The following CLNK variants were observed in gnomAD, a reference collection of about 807,000 sequenced individuals.
The protein encoded by CLNK is cytokine-dependent hematopoietic cell linker.
A neutral mutation model predicts 68.6 loss-of-function variants in CLNK; 74 were observed. That is an observed-to-expected ratio of 1.08 (90% CI 0.89 to 1.31). CLNK has a LOEUF of 1.31. Among genes scored for constraint, CLNK ranks in the 50% most tolerant of loss-of-function variants. The pLI is 0.00. For missense variants in CLNK, 553 were observed against 515.3 expected (o/e 1.07, Z -0.71); for synonymous variants, 198 against 172.2 (o/e 1.15, Z -1.17).
In CLNK at chr4:10,501,252, C is replaced by G. The variant is rs1717032162; in HGVS notation, c.1140+4G>C. On this transcript the variant is annotated splice_donor_region_variant and intron_variant, in intron 18 of 18. Transcript: ENST00000226951. Reference sequence around the variant, plus strand: ...GAACAGGGAGGCTGTTAAGTTATACCCACCTCATCTCCTCTGAGTCCTGTC... The same window carrying G: ...GAACAGGGAGGCTGTTAAGTTATACGCACCTCATCTCCTCTGAGTCCTGTC... The G allele has an allele frequency of 6.4e-7, 1 of 1,562,436 alleles. No homozygotes were observed. The highest frequency in any genetic ancestry group is 1.2e-5 in the South Asian group (1 of 81,318).
At chr4:10,702,513 A>C in the CLNK span, among the ~76,000 whole-genome samples, 3 of 152,000 alleles carry the variant, frequency 2.0e-5, no homozygotes, top group Admixed American at 6.6e-5. Flanking sequence ...TGGATAGAGA[A>C]AGAAGTGCTG....
intron 15 of CLNK, among the ~76,000 whole-genome samples, chr4:10,515,198 A>G (rs982979195): frequency 6.6e-6 from 1 of 152,202 alleles, no homozygotes; most frequent in Non-Finnish European, 1.5e-5. Context: ...AGATCATGCC[A>G]TTGCACTCCA....
intron 4 of CLNK, among the ~76,000 whole-genome samples, chr4:10,579,410 T>G (rs1290446154): frequency 1.4e-5 from 2 of 145,152 alleles, no homozygotes; most frequent in African/African-American, 5.2e-5. Context: ...GAGAGAGAGA[T>G]AGAGATAGAA....
the CLNK span, among the ~76,000 whole-genome samples, chr4:10,695,562 G>C: frequency 3.9e-5 from 6 of 152,110 alleles, no homozygotes; most frequent in African/African-American, 1.4e-4. Context: ...CTTTAACCCT[G>C]TCCTGGCCCG....
chr4:10,536,873 G>A (rs758682692), intron 11 of CLNK, among the ~76,000 whole-genome samples: 5 of 151,964 alleles, frequency 3.3e-5, no homozygotes, highest in Non-Finnish European at 7.4e-5. Flanking sequence ...TAACCCAATA[G>A]ACCTGTGTGG....
At chr4:10,562,700 G>A (rs548402586) in intron 7 of CLNK, among the ~76,000 whole-genome samples, 2 of 152,216 alleles carry the variant, frequency 1.3e-5, no homozygotes, top group East Asian at 3.9e-4. Flanking sequence ...CCCCACGTCC[G>A]GTCACAAGAA....
the CLNK span, among the ~76,000 whole-genome samples, chr4:10,709,015 C>T: frequency 6.6e-6 from 1 of 152,180 alleles, no homozygotes; most frequent in Non-Finnish European, 1.5e-5. Context: ...ACCTACCAAA[C>T]AGCATTAAAA....
chr4:10,557,589 C>T (rs1266889818), intron 8 of CLNK, among the ~76,000 whole-genome samples: 5 of 152,200 alleles, frequency 3.3e-5, no homozygotes, highest in Admixed American at 3.3e-4. Flanking sequence ...GGTTCTTGTG[C>T]CATTCTTTGT....
chr4:10,689,137 CT>C (rs1182260603), upstream of CLNK, among the ~76,000 whole-genome samples: 350 of 146,502 alleles, frequency 2.4e-3, 4 homozygotes, highest in Admixed American at 2.7e-3. Context: ...TTCTTTCTTT[CT>C]TTTTTTTTTT....
intron 2 of CLNK, among the ~76,000 whole-genome samples, chr4:10,635,230 T>A (rs1050146046): frequency 6.6e-6 from 1 of 152,230 alleles, no homozygotes; most frequent in African/African-American, 2.4e-5. Context: ...ATTAGACATA[T>A]GTTGCTCATT....
intron 8 of CLNK, among the ~76,000 whole-genome samples, chr4:10,545,960 C>T (rs2108811530): frequency 6.6e-6 from 1 of 152,312 alleles, no homozygotes; most frequent in East Asian, 1.9e-4. Flanking sequence ...CCCAGGGTAG[C>T]TGTGGGCAGT....
intron 2 of CLNK, among the ~76,000 whole-genome samples, chr4:10,655,871 G>T (rs1007650308): frequency 6.6e-6 from 1 of 151,806 alleles, no homozygotes; most frequent in African/African-American, 2.4e-5. Context: ...GGATGATCTC[G>T]ATCTCCTGAC....
upstream of CLNK, among the ~76,000 whole-genome samples, chr4:10,688,492 G>A (rs1167930070): frequency 6.6e-6 from 1 of 152,234 alleles, no homozygotes; most frequent in East Asian, 1.9e-4. Flanking sequence ...GTTCTTGCAT[G>A]GCCTGCTGGG....
the CLNK span, among the ~76,000 whole-genome samples, chr4:10,710,048 T>C: frequency 6.6e-6 from 1 of 152,232 alleles, no homozygotes; most frequent in South Asian, 2.1e-4. Context: ...GGCAGCATTA[T>C]TGATAACTGA....
At chr4:10,667,983 T>C in intron 1 of CLNK, 72 bp from the exon 2 acceptor site, 1 of 778,932 alleles carries the variant, frequency 1.3e-6, no homozygotes, top group African/African-American at 1.7e-5. Context: ...CAAGCCACTG[T>C]TGCTGCTTGT....
Position 10,542,280 on chromosome 4 carries a change from C to A in CLNK, c.446G>T (p.Gly149Val), listed in dbSNP as rs1469264290. The A allele has an allele frequency of 1.3e-6, 2 of 1,534,194 alleles. No homozygotes were observed. Among genetic ancestry groups the A allele is most frequent in the Admixed American group, 1.9e-5 (1 of 53,412 alleles). Residue 149 changes from glycine to valine, a missense_variant and splice_region_variant, in exon 9 of 19, where the codon GGA becomes GTA. Gly to Val is a moderately radical substitution (Grantham distance 109, BLOSUM62 -3). Coordinates refer to ENST00000226951, the MANE Select transcript of CLNK (RefSeq NM_052964.4). ...CTTGTTCTTTCTTACGGATGCATCT[C>A]CTAAAACATAAGAGGGAATAGCAGT... ...SKDVRSQNIKGDASVRKNKIP... is the reference protein window; with the variant it reads ...SKDVRSQNIKVDASVRKNKIP...
chr4:10,575,668 T>C (rs933687233), intron 4 of CLNK, among the ~76,000 whole-genome samples: 4 of 152,256 alleles, frequency 2.6e-5, no homozygotes, highest in Non-Finnish European at 5.9e-5. Flanking sequence ...TGATGGACTC[T>C]AGGTTGCCCT....
intron 7 of CLNK, among the ~76,000 whole-genome samples, chr4:10,561,132 C>G (rs771725470): frequency 6.6e-6 from 1 of 152,006 alleles, no homozygotes; most frequent in Non-Finnish European, 1.5e-5. Flanking sequence ...AGCTCCTGGG[C>G]TGAAGCAATT....
the CLNK span, among the ~76,000 whole-genome samples, chr4:10,717,489 G>T: frequency 6.6e-6 from 1 of 152,144 alleles, no homozygotes; most frequent in Non-Finnish European, 1.5e-5. Context: ...CCAGCTCCTC[G>T]GGAGGCTGAG....
Sources: allele counts gnomAD v4.1 joint callset (sites outside exome capture counted in the v4.1 genomes callset), GRCh38; gene constraint gnomAD v4.1.1; transcripts MANE v1.5; gene names NCBI Gene and HGNC (gene_info 2026-07-23, HGNC 2026-07-21).